Variants in TANC1 observed in about 807,000 individuals in gnomAD.
TANC1 encodes the protein protein TANC1.
A neutral mutation model predicts 149.7 loss-of-function variants in TANC1; 77 were observed. That is an observed-to-expected ratio of 0.51 (90% CI 0.43 to 0.62). The LOEUF (loss-of-function observed/expected upper bound fraction) is 0.62, where lower values mean the gene tolerates loss of function less well. Ranked by LOEUF, TANC1 falls within the 20% of genes least tolerant of loss-of-function variation. TANC1 has a pLI of 0.00. For missense variants in TANC1, 1,985 were observed against 2,321.8 expected, an observed-to-expected ratio of 0.85 and a Z score of 2.98; for synonymous variants, 854 against 925.0, an observed-to-expected ratio of 0.92 and a Z score of 1.39.
chr2:158,994,415 A>G (rs1649309), intron 1 of TANC1, among the ~76,000 whole-genome samples: 45,084 of 151,964 alleles, frequency 0.3, 7,069 homozygotes, highest in East Asian at 0.5. Context: ...GACTACAGGC[A>G]AGTGCTACCA....
intron 4 of TANC1, among the ~76,000 whole-genome samples, chr2:159,099,172 A>G (rs1371705855): frequency 1.3e-5 from 2 of 152,222 alleles, no homozygotes; most frequent in Non-Finnish European, 2.9e-5. Flanking sequence ...GGTTTAGGAC[A>G]ACATTGTTTA....
At chr2:159,205,687 T>A (rs2058553119) in intron 19 of TANC1, among the ~76,000 whole-genome samples, 1 of 152,244 alleles carries the variant, frequency 6.6e-6, no homozygotes, top group Non-Finnish European at 1.5e-5. Context: ...CTATGTGGTA[T>A]TAGCACAATG....
rs192494198 is a variant in TANC1 at position 159,072,261 on chromosome 2, C to T, written c.61+6290C>T. Among the ~76,000 whole-genome samples the T allele has an allele frequency of 9.1e-4, 138 of 152,330 alleles. 1 individual carries two copies. Among genetic ancestry groups the T allele is most frequent in the Non-Finnish European group, 1.4e-3 (98 of 68,036 alleles). ...CCTCACAGAGTGCTGGGATTACAGG[C>T]GTGAGCCACTGTGCCCAGCCTGATT... is the stretch of plus-strand genomic sequence containing the variant. On this transcript the variant is annotated intron_variant, in intron 3 of 26. Transcript: ENST00000263635.
intron 5 of TANC1, among the ~76,000 whole-genome samples, chr2:159,145,802 C>T (rs754057385): frequency 6.6e-6 from 1 of 152,134 alleles, no homozygotes; most frequent in Non-Finnish European, 1.5e-5. Flanking sequence ...GTATTGTTCT[C>T]CACTTGCCTA....
chr2:159,230,397 A>G lies in TANC1; in HGVS notation c.4971A>G (p.Pro1657=), dbSNP rs373991867. 25 of 1,614,132 alleles carry G rather than the reference A, an allele frequency of 1.5e-5. No homozygotes were observed. The African/African-American group carries it at 3.1e-4, about 20-fold the overall frequency. ...GLATCSDVRH[P]ASLTSSGSSG... ...CGACCTGCAGCGACGTGCGACACCCAGCTTCCCTCACCAGCTCAGGCTCTT... is the reference window on the plus strand; with the variant it reads ...CGACCTGCAGCGACGTGCGACACCCGGCTTCCCTCACCAGCTCAGGCTCTT... Residue 1657 remains proline (P), a synonymous_variant, in exon 27 of 27, where the codon CCA becomes CCG. Transcript: ENST00000263635. The surrounding 1 kb of genome is among the most constrained non-coding windows in gnomAD (Gnocchi z 4.4).
intron 18 of TANC1, among the ~76,000 whole-genome samples, chr2:159,197,630 G>C (rs10193699): frequency 0.31 from 32,455 of 104,604 alleles, 4,168 homozygotes; most frequent in East Asian, 0.52. Flanking sequence ...CACACACACA[G>C]AGAGATACTG....
chr2:159,074,708 G>GTGT (rs1385315678), intron 3 of TANC1, among the ~76,000 whole-genome samples: 6 of 151,828 alleles, frequency 4.0e-5, no homozygotes, highest in Admixed American at 3.3e-4. Flanking sequence ...GTACATCTTC[G>GTGT]TGTTGTCTTA....
chr2:159,230,891 C>T lies in TANC1; in HGVS notation c.5465C>T (p.Thr1822Ile), dbSNP rs1483326326. Residue 1822 changes from threonine to isoleucine, a missense_variant, in exon 27 of 27, where the codon ACT becomes ATT. Around this residue, in one of 3 missense-constraint regions of TANC1, gnomAD observed 920 missense variants for 994.7 expected, o/e 0.92. Coordinates refer to ENST00000263635, the MANE Select transcript of TANC1 (RefSeq NM_033394.3). This position sits in a 1 kb window ranked among gnomAD's most constrained non-coding sequence, Gnocchi z 4.4. ...VHSQENRITK[T>I]VSHLYQESIS... is the part of the protein sequence containing the mutation. Reference sequence around the variant, plus strand: ...TCTCAAGAGAACAGGATAACTAAGACTGTTTCTCATCTGTACCAGGAAAGT... The same window carrying T: ...TCTCAAGAGAACAGGATAACTAAGATTGTTTCTCATCTGTACCAGGAAAGT... 6.2e-7 allele frequency: 1 copy of T among 1,614,078 alleles called. No individual in the cohort carries two copies. Among genetic ancestry groups the T allele is most frequent in the African/African-American group, 1.3e-5 (1 of 74,940 alleles).
chr2:159,139,064 A>G (rs1228517576), intron 5 of TANC1, among the ~76,000 whole-genome samples: 3 of 152,176 alleles, frequency 2.0e-5, no homozygotes, highest in African/African-American at 7.2e-5. Flanking sequence ...GTAAGCAAAT[A>G]ACTTGTTTCT....
At position 159,229,694 on chromosome 2, in the gene TANC1, G is replaced by C; in HGVS notation, c.4268G>C (p.Ser1423Thr). 1 of 1,613,980 alleles carries C rather than the reference G, an allele frequency of 6.2e-7. No individual in the cohort carries two copies. Among genetic ancestry groups the C allele is most frequent in the Non-Finnish European group, 8.5e-7 (1 of 1,180,004 alleles). The change falls in exon 27 of 27, where the codon AGT becomes ACT. Residue 1423 changes from serine (S) to threonine (T), a missense_variant. This residue lies in a region of TANC1 where 920 missense variants were observed against 994.7 expected (regional missense o/e 0.92). Transcript: ENST00000263635. ...GAGGAGTGCAAACAACTCCAGAGGA[G>C]TCAACAGCAAAAACAGCAGGGCCCG... Reference protein sequence around the residue: ...VEEECKQLQRSQQQKQQGPLP... With the variant: ...VEEECKQLQRTQQQKQQGPLP...
At chr2:159,012,351 C>G (rs1224142387) in intron 2 of TANC1, among the ~76,000 whole-genome samples, 3 of 152,092 alleles carry the variant, frequency 2.0e-5, no homozygotes, top group African/African-American at 7.2e-5. Context: ...TAAGAAAGTC[C>G]CTGTACATGA....
intron 1 of TANC1, among the ~76,000 whole-genome samples, chr2:158,970,146 A>AG (rs1051353758): frequency 1.1e-4 from 2 of 18,910 alleles, no homozygotes; most frequent in Admixed American, 1.1e-3. Context: ...GCGTGTTTGG[A>AG]GGGGTGGGGG....
chr2:159,213,560 C>T (rs1190614132), intron 19 of TANC1, among the ~76,000 whole-genome samples: 1 of 152,034 alleles, frequency 6.6e-6, no homozygotes, highest in Non-Finnish European at 1.5e-5. Context: ...GGCCTGTTTG[C>T]ATAACACAAA....
intron 2 of TANC1, among the ~76,000 whole-genome samples, chr2:159,043,012 C>G (rs1171375929): frequency 6.6e-6 from 1 of 152,178 alleles, no homozygotes; most frequent in Non-Finnish European, 1.5e-5. Context: ...CCGGATGCAT[C>G]TAGTACCTTG....
chr2:158,992,374 A>G (rs1308770061), intron 1 of TANC1, among the ~76,000 whole-genome samples: 1 of 152,016 alleles, frequency 6.6e-6, no homozygotes, highest in Non-Finnish European at 1.5e-5. Context: ...CAAAAAAAAA[A>G]AAAAGAAAGT....
chr2:159,140,686 A>ATTTTTTTT (rs375936311), intron 5 of TANC1, among the ~76,000 whole-genome samples: 2 of 109,800 alleles, frequency 1.8e-5, no homozygotes, highest in Non-Finnish European at 3.5e-5. Context: ...GAGATTCTCT[A>ATTTTTTTT]TTTTTTTTTT....
At chr2:159,009,714 T>A (rs184994400) in intron 2 of TANC1, among the ~76,000 whole-genome samples, 4 of 152,242 alleles carry the variant, frequency 2.6e-5, no homozygotes, top group Admixed American at 2.6e-4. Flanking sequence ...TAACTGGAAT[T>A]CATTGTATAT....
At chr2:159,082,380 A>G (rs1225553905) in intron 3 of TANC1, among the ~76,000 whole-genome samples, 1 of 152,232 alleles carries the variant, frequency 6.6e-6, no homozygotes, top group Non-Finnish European at 1.5e-5. Flanking sequence ...TTAAAAAAAA[A>G]AAAAAGACGG....
At chr2:159,228,597 TA>T in intron 25 of TANC1, 198 bp from the exon 26 acceptor site, 2 of 549,032 alleles carry the variant, frequency 3.6e-6, no homozygotes, top group South Asian at 4.2e-5. Context: ...ACTGTTTTCA[TA>T]GTGGATTCTT....
Sources: allele counts gnomAD v4.1 joint callset (sites outside exome capture counted in the v4.1 genomes callset), GRCh38; gene constraint gnomAD v4.1.1; regional missense constraint gnomAD v4.1.1; non-coding constraint Gnocchi (gnomAD v3.1); transcripts MANE v1.5; gene names NCBI Gene and HGNC (gene_info 2026-07-23, HGNC 2026-07-21).